GPC5: variants seen among roughly 807,000 people sequenced by gnomAD.
The protein encoded by GPC5 is glypican-5.
GPC5 carries 47 observed loss-of-function variants against 53.9 expected under a neutral mutation model. The ratio of observed to expected loss-of-function variants is 0.87; its 90% confidence interval spans 0.69 to 1.11. GPC5 has a LOEUF of 1.11. Among genes scored for constraint, GPC5 ranks in the 50% most tolerant of loss-of-function variants. The pLI, the probability that GPC5 is intolerant of heterozygous loss-of-function variation, is 0.00. For missense variants in GPC5, 748 were observed against 713.1 expected, an observed-to-expected ratio of 1.05 and a Z score of -0.56; for synonymous variants, 286 against 263.3, an observed-to-expected ratio of 1.09 and a Z score of -0.84.
At chr13:92,817,851 T>C (rs1285973785) in intron 7 of GPC5, among the ~76,000 whole-genome samples, 3 of 151,906 alleles carry the variant, frequency 2.0e-5, no homozygotes, top group Admixed American at 6.6e-5. Flanking sequence ...AACAAGGTTT[T>C]AATGAAAAAA....
intron 2 of GPC5, among the ~76,000 whole-genome samples, chr13:91,659,340 T>C (rs1256655269): frequency 6.6e-6 from 1 of 152,162 alleles, no homozygotes; most frequent in East Asian, 1.9e-4. Flanking sequence ...TTCAATACTT[T>C]TAATACTCTG....
At chr13:92,115,236 TG>T (rs1416152735) in intron 6 of GPC5, among the ~76,000 whole-genome samples, 4 of 152,186 alleles carry the variant, frequency 2.6e-5, no homozygotes, top group African/African-American at 9.7e-5. Flanking sequence ...TGGCCAGGTG[TG>T]GTGGCTCACC....
intron 7 of GPC5, among the ~76,000 whole-genome samples, chr13:92,245,013 T>C (rs2139120929): frequency 6.9e-6 from 1 of 144,336 alleles, no homozygotes; most frequent in Non-Finnish European, 1.5e-5. Context: ...ACTCCAGTCC[T>C]GGTGACAAAG....
chr13:92,059,897 G>C (rs193195308), intron 6 of GPC5: 1 of 151,730 alleles, frequency 6.6e-6, no homozygotes, highest in East Asian at 1.9e-4. Flanking sequence ...AATGAGGGCT[G>C]TACTGCTAAT....
At chr13:92,629,468 C>T (rs941095908) in intron 7 of GPC5, among the ~76,000 whole-genome samples, 1 of 152,082 alleles carries the variant, frequency 6.6e-6, no homozygotes, top group Non-Finnish European at 1.5e-5. Context: ...ATTTGTGTAT[C>T]TAGCATTTAC....
intron 1 of GPC5, among the ~76,000 whole-genome samples, chr13:91,439,785 C>T (rs1469331662): frequency 6.6e-6 from 1 of 152,174 alleles, no homozygotes; most frequent in African/African-American, 2.4e-5. Context: ...TAACTTGCCC[C>T]CTTCTTACTT....
intron 7 of GPC5, among the ~76,000 whole-genome samples, chr13:92,518,021 G>A (rs1376222375): frequency 1.3e-5 from 2 of 152,298 alleles, no homozygotes; most frequent in Non-Finnish European, 1.5e-5. Context: ...CGAGAACTAC[G>A]TGATGAATGC....
At chr13:91,445,350 G>A (rs568673432) in intron 1 of GPC5, among the ~76,000 whole-genome samples, 2 of 152,272 alleles carry the variant, frequency 1.3e-5, no homozygotes, top group African/African-American at 4.8e-5. Context: ...CTGGTGGGAC[G>A]CATAGACAGC....
intron 7 of GPC5, among the ~76,000 whole-genome samples, chr13:92,180,300 C>T (rs2042137434): frequency 6.6e-6 from 1 of 152,052 alleles, no homozygotes; most frequent in Non-Finnish European, 1.5e-5. Flanking sequence ...ACAAGAAATT[C>T]CATAATCTTT....
intron 5 of GPC5, among the ~76,000 whole-genome samples, chr13:91,840,746 ATTT>A (rs77227820): frequency 1.8e-3 from 274 of 148,890 alleles, no homozygotes; most frequent in African/African-American, 6.5e-3. Context: ...TCCTATTTTT[ATTT>A]TTTTTTTTTT....
chr13:91,745,062 C>T (rs376796178), intron 4 of GPC5, among the ~76,000 whole-genome samples: 66 of 152,106 alleles, frequency 4.3e-4, no homozygotes, highest in African/African-American at 1.4e-3. Flanking sequence ...AACACTTGGT[C>T]GAGTGTTTAT....
At chr13:91,658,009 G>A (rs1248137856) in intron 2 of GPC5, among the ~76,000 whole-genome samples, 1 of 152,080 alleles carries the variant, frequency 6.6e-6, no homozygotes, top group Admixed American at 6.6e-5. Context: ...ATGTTTTTAT[G>A]TTTTAGAAAG....
At chr13:91,632,239 T>A (rs1045033502) in intron 2 of GPC5, among the ~76,000 whole-genome samples, 7 of 152,224 alleles carry the variant, frequency 4.6e-5, no homozygotes, top group African/African-American at 1.7e-4. Flanking sequence ...AATCGTTAGA[T>A]GATTAGTGTG....
chr13:92,292,463 C>T (rs2043004574), intron 7 of GPC5, among the ~76,000 whole-genome samples: 1 of 152,028 alleles, frequency 6.6e-6, no homozygotes, highest in Non-Finnish European at 1.5e-5. Flanking sequence ...ATTTGTTGGC[C>T]ATTTGTGTAT....
At chr13:92,116,693 C>G (rs2041604544) in intron 6 of GPC5, among the ~76,000 whole-genome samples, 2 of 152,170 alleles carry the variant, frequency 1.3e-5, no homozygotes, top group African/African-American at 4.8e-5. Flanking sequence ...CCAGAAAGTT[C>G]AGTTGTTCTG....
At chr13:91,852,801 T>A (rs1484717877) in intron 5 of GPC5, among the ~76,000 whole-genome samples, 2 of 152,146 alleles carry the variant, frequency 1.3e-5, no homozygotes, top group Non-Finnish European at 2.9e-5. Flanking sequence ...CTGTGGTATA[T>A]GTGATCCATT....
intron 5 of GPC5, among the ~76,000 whole-genome samples, chr13:91,834,296 A>G (rs1438254674): frequency 2.0e-5 from 3 of 152,198 alleles, no homozygotes; most frequent in African/African-American, 7.2e-5. Context: ...GAAAGAATTT[A>G]TATCGTGAAA....
At chr13:92,619,054 C>T (rs751998123) in intron 7 of GPC5, among the ~76,000 whole-genome samples, 6 of 151,864 alleles carry the variant, frequency 4.0e-5, no homozygotes, top group South Asian at 2.1e-4. Context: ...GAATAATGAG[C>T]GTTAATTTTC....
intron 7 of GPC5, among the ~76,000 whole-genome samples, chr13:92,786,325 T>C (rs1343702038): frequency 6.6e-6 from 1 of 152,034 alleles, no homozygotes; most frequent in Non-Finnish European, 1.5e-5. Context: ...AGACTACAAG[T>C]TGAAAGATGT....
Sources: gnomAD v4.1 joint callset for allele counts (sites outside exome capture counted in the v4.1 genomes callset) on GRCh38, gnomAD v4.1.1 for gene constraint, MANE v1.5 for transcripts, NCBI Gene and HGNC (gene_info 2026-07-23, HGNC 2026-07-21) for gene names.